Variants in CLCN2 observed in about 807,000 individuals in gnomAD.
The protein encoded by CLCN2 is chloride voltage-gated channel 2.
In CLCN2, 72 loss-of-function variants were observed where a neutral mutation model predicts 108.3. That is an observed-to-expected ratio of 0.66 (90% CI 0.55 to 0.81). CLCN2 has a LOEUF of 0.81. Among genes scored for constraint, CLCN2 ranks in the 30% least tolerant of loss-of-function variants. The pLI is 0.00. For missense variants in CLCN2, 1,048 were observed against 1,205.2 expected (o/e 0.87, Z 1.93); for synonymous variants, 471 against 467.1 (o/e 1.01, Z -0.11).
intron 22 of CLCN2, chr3:184,348,530 T>C (rs1418598330): frequency 1.3e-5 from 2 of 150,198 alleles, no homozygotes; most frequent in Non-Finnish European, 3.0e-5. Context: ...GTTTCTTGAA[T>C]ACCTATAACA....
chr3:184,346,636 G>T lies in CLCN2; in HGVS notation c.2667C>A (p.Ser889Arg). 1 of 1,614,122 alleles carries T rather than the reference G, an allele frequency of 6.2e-7. No individual in the cohort carries two copies. ...HSRHGLPREG[S>R]PSDSDDKCQ Reference sequence around the variant, plus strand: ...GGCATTTGTCGTCGCTGTCGGAAGGGCTGCCCTCCCGGGGGAGGCCATGAC... The same window carrying T: ...GGCATTTGTCGTCGCTGTCGGAAGGTCTGCCCTCCCGGGGGAGGCCATGAC... The change falls in exon 24 of 24, where the codon AGC (serine) becomes AGA (arginine). Residue 889 changes from serine (S) to arginine (R), a missense_variant. By Grantham distance (110) the Ser-to-Arg change is moderately radical. Transcript: ENST00000265593. The surrounding 1 kb of genome is among the most constrained non-coding windows in gnomAD (Gnocchi z 6.0).
intron 22 of CLCN2, among the ~76,000 whole-genome samples, chr3:184,351,534 C>G (rs1380700310): frequency 1.3e-5 from 2 of 152,242 alleles, no homozygotes; most frequent in East Asian, 1.9e-4. Context: ...TCCAAGCCCC[C>G]CACTGGGTGT....
At chr3:184,360,380 G>A (rs1317351051) in intron 1 of CLCN2, among the ~76,000 whole-genome samples, 6 of 152,066 alleles carry the variant, frequency 3.9e-5, no homozygotes, top group African/African-American at 9.7e-5. Flanking sequence ...CAGAGGCCAG[G>A]TGCCTGGCTT....
chr3:184,352,926 C>A (rs1450468694), intron 18 of CLCN2, 107 bp downstream of exon 18: 29 of 1,514,642 alleles, frequency 1.9e-5, no homozygotes, highest in Non-Finnish European at 2.7e-5. Flanking sequence ...CCCATGTGGG[C>A]AGCCTCTTCC....
At position 184,355,581 on chromosome 3, in the gene CLCN2, A is replaced by G; in HGVS notation, c.1171-52T>C. On this transcript the variant is annotated intron_variant, in intron 11 of 23. Transcript: ENST00000265593. The surrounding 1 kb of genome is among the most constrained non-coding windows in gnomAD (Gnocchi z 6.3). ...GGGAAACCGACAGGATGAAGGGAAG[A>G]GGCCATGGGATCCCACGGGGAACAA... 6.2e-7 allele frequency: 1 copy of G among 1,611,248 alleles called. No individual in the cohort carries two copies. Among genetic ancestry groups the G allele is most frequent in the Non-Finnish European group, 8.5e-7 (1 of 1,177,450 alleles).
intron 22 of CLCN2, among the ~76,000 whole-genome samples, chr3:184,350,129 T>A (rs1727987478): frequency 6.6e-6 from 1 of 152,216 alleles, no homozygotes; most frequent in Non-Finnish European, 1.5e-5. Context: ...TCTTCTGATT[T>A]TTAAGTTTGT....
At chr3:184,352,667 G>A (rs1255083458) in intron 19 of CLCN2, 70 bp downstream of exon 19, 1 of 1,545,504 alleles carries the variant, frequency 6.5e-7, no homozygotes, top group Non-Finnish European at 8.9e-7. Context: ...CAGGGTTAAT[G>A]ACGTGGTCTC....
At chr3:184,352,850 C>T in intron 18 of CLCN2, 40 bp from the exon 19 acceptor site, 1 of 1,609,514 alleles carries the variant, frequency 6.2e-7, no homozygotes, top group Middle Eastern at 1.7e-4. Context: ...GCAATGTCAT[C>T]TTTTGGGGAG....
At position 184,357,381 on chromosome 3, in the gene CLCN2, T is replaced by C. The variant is rs138937943; in HGVS notation, c.879A>G (p.Ala293=). The C allele has an allele frequency of 2.6e-5, 42 of 1,613,932 alleles. No homozygotes were observed. The African/African-American group carries it at 4.9e-4, about 19-fold the overall frequency. ...TFSAFIFRVL[A]VWNRDEETIT... ...CCCCACCTTCATCCCGGTTCCAGAC[T>C]GCCAAGACCCGGAAGATGAAGGCAC... Residue 293 remains alanine, a synonymous_variant, in exon 8 of 24, where the codon GCA becomes GCG. Transcript: ENST00000265593.
chr3:184,358,540 G>A (rs1711577368), intron 3 of CLCN2, 142 bp downstream of exon 3: 3 of 1,220,604 alleles, frequency 2.5e-6, no homozygotes, highest in South Asian at 2.6e-5. Flanking sequence ...CCGAGATGAT[G>A]CCTGAATCTG....
chr3:184,352,622 G>T, intron 19 of CLCN2, 115 bp downstream of exon 19: 1 of 1,446,318 alleles, frequency 6.9e-7, no homozygotes, highest in Non-Finnish European at 9.6e-7. Context: ...ACAGCAGGGA[G>T]GGCCGAAGGG....
rs1251783030 is a variant in CLCN2, at chr3:184,356,757, C to A, written c.1085+236G>T. ...GGCCAGCCCAGAGGACCTGAGGAGG[C>A]CTTAGTCTTTGATTCCCAAATGTCC... On this transcript the variant is annotated intron_variant, in intron 10 of 23. Coordinates refer to ENST00000265593, the MANE Select transcript of CLCN2 (RefSeq NM_004366.6). The A allele has an allele frequency of 7.2e-6, 4 of 553,716 alleles. No homozygotes were observed. The Admixed American group carries it at 1.2e-4, about 16-fold the overall frequency. 34.3% of individuals were successfully genotyped at this position (553,716 alleles called of 1,614,324 possible).
At chr3:184,348,821 CCT>C (rs1245834391) in intron 22 of CLCN2, 1 of 152,210 alleles carries the variant, frequency 6.6e-6, no homozygotes, top group East Asian at 1.9e-4. Context: ...ACCACTTGCC[CCT>C]GACAGTCACC....
chr3:184,361,416 C>T lies in CLCN2; in HGVS notation c.63+1G>A. 1.2e-6 allele frequency: 2 copies of T among 1,613,678 alleles called. No individual in the cohort carries two copies. Among genetic ancestry groups the T allele is most frequent in the Non-Finnish European group, 1.7e-6 (2 of 1,179,954 alleles). On this transcript the variant is annotated splice_donor_variant, in intron 1 of 23. Transcript: ENST00000265593. LOFTEE classifies it high-confidence loss of function. The surrounding 1 kb of genome is among the most constrained non-coding windows in gnomAD (Gnocchi z 6.6). ...CTGGGGCTCAGCTCAGCTTCACTTA[C>T]CAGGGTCTGCTCGTACTGCAGCGCC...
At chr3:184,352,672 G>T in intron 19 of CLCN2, 65 bp downstream of exon 19, 1 of 1,550,790 alleles carries the variant, frequency 6.4e-7, no homozygotes, top group Non-Finnish European at 8.9e-7. Context: ...TTAATGACGT[G>T]GTCTCAGCAT....
Position 184,354,937 on chromosome 3 carries a change from G to T in CLCN2, c.1363C>A (p.Pro455Thr). The change falls in exon 13 of 24, where the codon CCC (proline) becomes ACC (threonine). Residue 455 changes from proline (P) to threonine (T), a missense_variant. Transcript: ENST00000265593. Reference protein sequence around the residue: ...MSALATTIPVPCGAFMPVFVI... With the variant: ...MSALATTIPVTCGAFMPVFVI... The stretch of plus-strand genomic sequence containing the variant: ...AAGACAGGCATGAAGGCCCCACAGG[G>T]AACTGGGATGGTGGTGGCCAGTGCA... The T allele has an allele frequency of 6.2e-7, 1 of 1,614,054 alleles. No individual in the cohort carries two copies. Among genetic ancestry groups the T allele is most frequent in the East Asian group, 2.2e-5 (1 of 44,882 alleles).
intron 14 of CLCN2, 104 bp downstream of exon 14, chr3:184,354,444 G>C: frequency 7.5e-7 from 1 of 1,327,472 alleles, no homozygotes; most frequent in Non-Finnish European, 1.1e-6. Context: ...GTGCATCTGA[G>C]GGAAGCCTGG....
intron 22 of CLCN2, among the ~76,000 whole-genome samples, chr3:184,350,255 T>C (rs576861718): frequency 2.0e-5 from 3 of 152,282 alleles, no homozygotes; most frequent in East Asian, 3.9e-4. Context: ...AGGGACAACA[T>C]GGCCTTCTGA....
chr3:184,353,369 C>T lies in CLCN2; in HGVS notation c.1909G>A (p.Gly637Arg), dbSNP rs1188894719. 1 of 1,612,866 alleles carries T rather than the reference C, an allele frequency of 6.2e-7. No individual in the cohort carries two copies. The highest frequency in any genetic ancestry group is 1.3e-5 in the African/African-American group (1 of 74,920). Residue 637 changes from glycine to arginine, a missense_variant, in exon 17 of 24, where the codon GGG (glycine) becomes AGG (arginine). Transcript: ENST00000265593. ...IERSQVVALL[G>R]AQLSPARRRQ... ...CGGCGGGCTGGGCTCAGCTGGGCCC[C>T]CAACAATGCCACCACCTGTGAACGC...
Sources: gnomAD v4.1 joint callset for allele counts (sites outside exome capture counted in the v4.1 genomes callset) on GRCh38, gnomAD v4.1.1 for gene constraint, Gnocchi (gnomAD v3.1) non-coding constraint, MANE v1.5 for transcripts, NCBI Gene and HGNC (gene_info 2026-07-23, HGNC 2026-07-21) for gene names.